The following SRI variants were observed in gnomAD, a reference collection of about 807,000 sequenced individuals.
SRI encodes the protein 22 kDa protein.
Under a neutral mutation model 33.3 loss-of-function variants are expected in SRI, and 30 were observed. The ratio of observed to expected loss-of-function variants is 0.90; its 90% confidence interval spans 0.67 to 1.22. The LOEUF is 1.22. SRI is among the 50% of genes most tolerant of loss of function. The pLI is 0.00. For missense variants in SRI, 243 were observed against 250.8 expected (o/e 0.97, Z 0.21); for synonymous variants, 75 against 89.9 (o/e 0.83, Z 0.94).
chr7:88,216,293 T>C (rs924764335), intron 3 of SRI, among the ~76,000 whole-genome samples: 2 of 151,852 alleles, frequency 1.3e-5, no homozygotes, highest in African/African-American at 4.8e-5. Context: ...TGGAGCATCT[T>C]TGCAGTATTT....
upstream of SRI, among the ~76,000 whole-genome samples, chr7:88,223,064 A>G (rs1851925438): frequency 1.3e-5 from 2 of 152,216 alleles, no homozygotes; most frequent in East Asian, 1.9e-4. Flanking sequence ...TGAACAGGCA[A>G]CCTACAAAAT....
chr7:88,224,627 A>G (rs1022881000), upstream of SRI, among the ~76,000 whole-genome samples: 1 of 151,212 alleles, frequency 6.6e-6, no homozygotes, highest in African/African-American at 2.4e-5. Flanking sequence ...AAGAGTGTGA[A>G]GCCTATGATG....
intron 1 of SRI, among the ~76,000 whole-genome samples, chr7:88,226,671 A>C (rs1852004781): frequency 6.6e-6 from 1 of 152,190 alleles, no homozygotes; most frequent in Non-Finnish European, 1.5e-5. Context: ...CTTCTTAATT[A>C]AAATAAGATA....
rs555337723 is a variant in SRI at position 88,218,912 on chromosome 7, G to T, written c.82C>A (p.Pro28Thr). The change falls in exon 2 of 8, where the codon CCC (proline) becomes ACC (threonine). Residue 28 changes from proline to threonine, a missense_variant. Coordinates refer to ENST00000265729, the MANE Select transcript of SRI (RefSeq NM_003130.4). ...YGGAPGGPAF[P>T]GQTQDPLYGY... ...TACAGCGGATCCTGAGTTTGTCCGG[G>T]AAACGCAGGCCCTCCGGGAGCCCCT... 6.2e-7 allele frequency: 1 copy of T among 1,614,060 alleles called. No homozygotes were observed. Among genetic ancestry groups the T allele is most frequent in the South Asian group, 1.1e-5 (1 of 91,080 alleles).
upstream of SRI, among the ~76,000 whole-genome samples, chr7:88,221,742 G>T (rs561031271): frequency 3.8e-4 from 58 of 151,836 alleles, no homozygotes; most frequent in Non-Finnish European, 7.7e-4. Context: ...CATTGTGCAG[G>T]TTGGTTACAT....
intron 3 of SRI, among the ~76,000 whole-genome samples, chr7:88,212,786 G>A (rs773659049): frequency 3.9e-5 from 6 of 152,156 alleles, no homozygotes; most frequent in Non-Finnish European, 8.8e-5. Context: ...CCTGTTAGAG[G>A]TGAAATTCTC....
In SRI at chr7:88,210,885, C is replaced by T; in HGVS notation, c.246G>A (p.Leu82=). ...CAACAATCAAAGTAAAGGATACATCCAGCATTGAAACCATAAGCCGGCAAG... is the reference window on the plus strand; with the variant it reads ...CAACAATCAAAGTAAAGGATACATCTAGCATTGAAACCATAAGCCGGCAAG... The part of the protein sequence containing the change: ...LETCRLMVSM[L]DRDMSGTMGF... Residue 82 remains leucine, a synonymous_variant, in exon 4 of 8, where the codon CTG becomes CTA. Transcript: ENST00000265729. 3.1e-6 allele frequency: 5 copies of T among 1,613,116 alleles called. No homozygotes were observed. Among genetic ancestry groups the T allele is most frequent in the South Asian group, 1.1e-5 (1 of 90,958 alleles).
intron 4 of SRI, 93 bp from the exon 5 acceptor site, chr7:88,210,223 G>T: frequency 7.4e-7 from 1 of 1,356,062 alleles, no homozygotes; most frequent in Non-Finnish European, 1.1e-6. Context: ...ATATTCAATG[G>T]CTAAAAAAGT....
upstream of SRI, among the ~76,000 whole-genome samples, chr7:88,221,033 A>T (rs1851878091): frequency 1.3e-5 from 2 of 152,206 alleles, no homozygotes; most frequent in African/African-American, 4.8e-5. Context: ...ACTGTTAAGG[A>T]CTAGACTTAA....
intron 1 of SRI, 85 bp from the exon 2 acceptor site, chr7:88,219,027 C>T: frequency 1.7e-6 from 2 of 1,211,586 alleles, no homozygotes; most frequent in South Asian, 2.5e-5. Context: ...CAAGGCCAGA[C>T]AACTGCCCGC....
rs780948192 is a variant in SRI, at chr7:88,220,031, C to G, written c.-5G>C. Reference sequence around the variant, plus strand: ...AGGATGCCCCGGGTACGCCATGCTGCAGACTGCGCCGCAGCCGCCCTCGCC... The same window carrying G: ...AGGATGCCCCGGGTACGCCATGCTGGAGACTGCGCCGCAGCCGCCCTCGCC... On this transcript the variant is annotated 5_prime_UTR_variant, in exon 1 of 8. Transcript: ENST00000265729. The G allele has an allele frequency of 1.3e-6, 2 of 1,526,908 alleles. No homozygotes were observed. Among genetic ancestry groups the G allele is most frequent in the African/African-American group, 1.4e-5 (1 of 71,176 alleles). The allele number at this position is 1,526,908 out of a possible 1,614,324, so 94.6% of individuals were successfully genotyped here.
chr7:88,223,021 G>A (rs915561694), upstream of SRI, among the ~76,000 whole-genome samples: 62 of 152,098 alleles, frequency 4.1e-4, no homozygotes, highest in African/African-American at 1.4e-3. Flanking sequence ...AAACTAAAGA[G>A]CTTCTGCACA....
chr7:88,210,646 G>A (rs533464860), intron 4 of SRI: 2 of 501,748 alleles, frequency 4.0e-6, no homozygotes, highest in East Asian at 7.2e-5. Context: ...TCTGGACTCT[G>A]TACTTGTTCT....
rs1586709029 is a variant in SRI at position 88,206,269 on chromosome 7, G to A, written c.*209C>T. 1.6e-6 allele frequency: 1 copy of A among 621,126 alleles called. No homozygotes were observed. Among genetic ancestry groups the A allele is most frequent in the Non-Finnish European group, 2.9e-6 (1 of 349,898 alleles). 38.5% of individuals were successfully genotyped at this position (621,126 alleles called of 1,614,324 possible). A position where few individuals can be genotyped will look rare whatever the true frequency, so the allele number is the denominator to read the frequency against. ...TAATGGCTCAGGAAAGTTCTAAATG[G>A]TGTAACAGACTAGATCTTATTAAAG... On this transcript the variant is annotated 3_prime_UTR_variant, in exon 8 of 8. Coordinates refer to ENST00000265729, the MANE Select transcript of SRI (RefSeq NM_003130.4).
intron 2 of SRI, among the ~76,000 whole-genome samples, 155 bp from the exon 3 acceptor site, chr7:88,217,346 A>C (rs897150918): frequency 9.9e-5 from 15 of 152,220 alleles, no homozygotes; most frequent in African/African-American, 3.4e-4. Flanking sequence ...TGCCTTCCAA[A>C]AGTGGGCATT....
chr7:88,218,432 T>C (rs1475337241), intron 2 of SRI, among the ~76,000 whole-genome samples: 2 of 152,220 alleles, frequency 1.3e-5, no homozygotes, highest in Non-Finnish European at 2.9e-5. Context: ...GTAACTTCCT[T>C]ATTTAGAAGC....
upstream of SRI, among the ~76,000 whole-genome samples, chr7:88,222,955 C>G (rs1438191156): frequency 6.6e-6 from 1 of 151,858 alleles, no homozygotes; most frequent in East Asian, 1.9e-4. Context: ...GACTTCATGT[C>G]CAAAACACCA....
chr7:88,219,883 C>T, intron 1 of SRI, 93 bp downstream of exon 1: 2 of 1,451,154 alleles, frequency 1.4e-6, no homozygotes, highest in Non-Finnish European at 1.9e-6. Flanking sequence ...AGCCGCCCAG[C>T]AGCGCCTCAC....
At chr7:88,210,605 C>G in intron 4 of SRI, 1 of 418,998 alleles carries the variant, frequency 2.4e-6, no homozygotes, top group South Asian at 2.6e-5. Context: ...GCAGAGGAAT[C>G]AATGTTAAAG....
Sources: allele counts gnomAD v4.1 joint callset (sites outside exome capture counted in the v4.1 genomes callset), GRCh38; gene constraint gnomAD v4.1.1; transcripts MANE v1.5; gene names NCBI Gene and HGNC (gene_info 2026-07-23, HGNC 2026-07-21).